The following FHL1 variants were observed in gnomAD, a reference collection of about 807,000 sequenced individuals.
FHL1 encodes four and a half LIM domains protein 1.
A neutral mutation model predicts 20.3 loss-of-function variants in FHL1; 1 was observed. The ratio of observed to expected loss-of-function variants is 0.05; its 90% CI spans 0.02 to 0.23. The LOEUF (loss-of-function observed/expected upper bound fraction) is 0.23, where lower values mean the gene tolerates loss of function less well. Among genes scored for constraint, FHL1 ranks in the 10% least tolerant of loss-of-function variants. The pLI is 1.00. For missense variants in FHL1, 177 were observed against 234.0 expected (o/e 0.76, Z 1.59); for synonymous variants, 82 against 88.9 (o/e 0.92, Z 0.44).
At chrX:136,209,482 G>A (rs1294931663) in intron 5 of FHL1, 4 of 1,174,599 alleles carry the variant, frequency 3.4e-6, no homozygotes. Flanking sequence ...TTTGCCTCCT[G>A]GTGGCCACTT....
chrX:136,183,158 A>T (rs1333660265), intron 2 of FHL1, among the ~76,000 whole-genome samples: 1 of 110,642 alleles, frequency 9.0e-6, no homozygotes, highest in African/African-American at 3.3e-5. Context: ...TTGGGCAGAG[A>T]TTAGTTGGGG....
intron 1 of FHL1, among the ~76,000 whole-genome samples, chrX:136,156,013 C>T (rs2072407237): frequency 9.1e-6 from 1 of 110,005 alleles, no homozygotes; most frequent in African/African-American, 3.3e-5. Context: ...TCCACAGCTT[C>T]CTATAGTACA....
At chrX:136,183,252 G>A (rs2073208969) in intron 2 of FHL1, among the ~76,000 whole-genome samples, 1 of 111,426 alleles carries the variant, frequency 9.0e-6, no homozygotes, top group Admixed American at 9.6e-5. Context: ...AATTATATTT[G>A]GAGAGTTGTA....
chrX:136,183,054 G>A (rs1198604564), intron 2 of FHL1, among the ~76,000 whole-genome samples: 5 of 104,013 alleles, frequency 4.8e-5, no homozygotes, highest in Non-Finnish European at 7.8e-5. Context: ...CCAAGATTGC[G>A]CCACTGCACT....
chrX:136,209,839 T>C (rs375981682), intron 5 of FHL1, 32 bp from the exon 6 acceptor site: 10 of 1,188,963 alleles, frequency 8.4e-6, no homozygotes, highest in Admixed American at 2.2e-5. Context: ...GTTTCTCTTG[T>C]TTTCTTTTCT....
chrX:136,201,347 G>T (rs186774777), intron 1 of FHL1, among the ~76,000 whole-genome samples: 5 of 111,898 alleles, frequency 4.5e-5, no homozygotes, highest in African/African-American at 1.6e-4. Context: ...TGGGCTGTCC[G>T]CATGCCCAGT....
At chrX:136,202,390 A>T (rs887139972) in intron 1 of FHL1, among the ~76,000 whole-genome samples, 2 of 109,954 alleles carry the variant, frequency 1.8e-5, no homozygotes, top group South Asian at 7.9e-4. Context: ...GTAAAATGCT[A>T]TCTTCATTTT....
chrX:136,209,018 G>GT, intron 5 of FHL1: 1 of 437,377 alleles, frequency 2.3e-6, no homozygotes, highest in Non-Finnish European at 4.0e-6. Context: ...ACCCGGGATT[G>GT]TAATACCCCA....
exon 1 of FHL1, chrX:136,169,656 A>G: frequency 3.5e-6 from 1 of 287,347 alleles, no homozygotes; most frequent in Non-Finnish European, 6.6e-6. Flanking sequence ...TGAGTGTTTG[A>G]GCTAATACGG....
rs201021482 is a variant in FHL1, at chrX:136,185,377, C to T, written c.-27+15397C>T. On this transcript the variant is annotated intron_variant, in intron 2 of 6. Transcript: ENST00000394153. ...GGTTTGCCACACTGAATTGCCATGA[C>T]GTGGCTGGGGATCCCTGTTTTAACA... is the stretch of plus-strand genomic sequence containing the variant. Among the ~76,000 whole-genome samples the T allele has an allele frequency of 6.2e-5, 7 of 112,183 alleles. No individual in the cohort carries two copies. The East Asian group carries it at 1.4e-3, about 22-fold the overall frequency.
intron 2 of FHL1, among the ~76,000 whole-genome samples, chrX:136,172,879 C>T (rs780811119): frequency 1.7e-4 from 19 of 111,939 alleles, no homozygotes; most frequent in African/African-American, 4.5e-4. Context: ...ATTACAGATG[C>T]GTGCCACCAT....
At chrX:136,208,839 C>G (rs1349722252) in intron 5 of FHL1, among the ~76,000 whole-genome samples, 198 bp downstream of exon 5, 1 of 108,422 alleles carries the variant, frequency 9.2e-6, no homozygotes, top group East Asian at 2.9e-4. Flanking sequence ...CAGAACACTT[C>G]CTGACTGTTG....
chrX:136,206,545 A>G lies in FHL1; in HGVS notation c.161A>G (p.Asn54Ser), dbSNP rs886043917. The change falls in exon 2 of 6, where the codon AAC becomes AGC. Residue 54 changes from asparagine (N) to serine (S), a missense_variant. By Grantham distance (46) the Asn-to-Ser change is conservative. Transcript: ENST00000370683. ...CLKCFDKFCA[N>S]TCVECRKPIG... ...AAATGCTTTGACAAGTTCTGTGCCAACACCTGTGTGGAATGCCGCAAGCCC... is the reference window on the plus strand; with the variant it reads ...AAATGCTTTGACAAGTTCTGTGCCAGCACCTGTGTGGAATGCCGCAAGCCC... The G allele has an allele frequency of 9.1e-6, 11 of 1,211,544 alleles. No individual in the cohort carries two copies. Among genetic ancestry groups the G allele is most frequent in the Non-Finnish European group, 1.2e-5 (11 of 895,538 alleles).
chrX:136,189,659 A>C (rs1377042914), intron 2 of FHL1, among the ~76,000 whole-genome samples: 1 of 111,827 alleles, frequency 8.9e-6, no homozygotes. Flanking sequence ...TGACCCTTTT[A>C]CATAGGTACT....
Position 136,191,244 on chromosome X carries a change from G to C in FHL1, c.-26-15163G>C, listed in dbSNP as rs187550075. Among the ~76,000 whole-genome samples the C allele has an allele frequency of 5.4e-5, 6 of 111,731 alleles. No individual in the cohort carries two copies. The Admixed American group carries it at 5.7e-4, about 11-fold the overall frequency. On this transcript the variant is annotated intron_variant, in intron 2 of 6. Transcript: ENST00000394153. ...TCACTGTGGGCCACCGCGCTCCTCT[G>C]TCCACCTGTGGTTACTCCTGCATTG...
At chrX:136,176,950 T>TA (rs2073017123) in intron 2 of FHL1, among the ~76,000 whole-genome samples, 1 of 105,991 alleles carries the variant, frequency 9.4e-6, no homozygotes, top group African/African-American at 3.4e-5. Flanking sequence ...CTTTGATTCT[T>TA]ACACAGTCTT....
At chrX:136,193,082 T>TA (rs57788194), upstream of FHL1, among the ~76,000 whole-genome samples, 896 of 95,462 alleles carry the variant, frequency 9.4e-3, 5 homozygotes, top group African/African-American at 0.024. Flanking sequence ...AAGAGTCATG[T>TA]AAAAAAAAAA....
intron 2 of FHL1, among the ~76,000 whole-genome samples, chrX:136,184,800 T>C (rs988904803): frequency 1.8e-5 from 2 of 112,236 alleles, no homozygotes; most frequent in African/African-American, 6.5e-5. Flanking sequence ...TATATTTCTT[T>C]AATGACCATA....
chrX:136,178,687 G>T (rs2073072826), intron 2 of FHL1, among the ~76,000 whole-genome samples: 1 of 111,743 alleles, frequency 8.9e-6, no homozygotes, highest in Non-Finnish European at 1.9e-5. Context: ...GAAAAACAAT[G>T]GTTTGAGGTC....
Sources: allele counts gnomAD v4.1 joint callset (sites outside exome capture counted in the v4.1 genomes callset), GRCh38; gene constraint gnomAD v4.1.1; transcripts MANE v1.5; gene names NCBI Gene and HGNC (gene_info 2026-07-23, HGNC 2026-07-21).